The following DPYD variants were observed in gnomAD, a reference collection of about 807,000 sequenced individuals.
DPYD encodes dihydropyrimidine dehydrogenase [NADP(+)].
Under a neutral mutation model 116.2 loss-of-function variants are expected in DPYD, and 109 were observed. The observed-to-expected ratio is 0.94, with a 90% confidence interval of 0.80 to 1.10. The LOEUF is 1.10. Ranked by LOEUF, DPYD falls within the 50% of genes least tolerant of loss-of-function variation. The pLI is 0.00. For synonymous variants in DPYD, 440 were observed against 432.0 expected (o/e 1.02, Z -0.23); for missense variants, 1,302 against 1,254.5 (o/e 1.04, Z -0.57).
At chr1:97,390,260 G>A (rs1016373121) in intron 14 of DPYD, among the ~76,000 whole-genome samples, 1 of 152,048 alleles carries the variant, frequency 6.6e-6, no homozygotes, top group Non-Finnish European at 1.5e-5. Flanking sequence ...AAACTGCAAA[G>A]TGACGGGGGT....
At chr1:97,583,239 G>C (rs1330651663) in intron 10 of DPYD, among the ~76,000 whole-genome samples, 2 of 152,140 alleles carry the variant, frequency 1.3e-5, no homozygotes, top group African/African-American at 4.8e-5. Context: ...AAAGTGCTGG[G>C]ATTACAGGCG....
At chr1:97,101,738 G>A (rs1376457511) in intron 20 of DPYD, among the ~76,000 whole-genome samples, 1 of 152,014 alleles carries the variant, frequency 6.6e-6, no homozygotes, top group African/African-American at 2.4e-5. Context: ...GTTGTAGCCT[G>A]CGGTAACTCA....
intron 14 of DPYD, among the ~76,000 whole-genome samples, chr1:97,393,078 T>C (rs952152493): frequency 2.0e-5 from 3 of 152,044 alleles, no homozygotes; most frequent in Non-Finnish European, 4.4e-5. Context: ...TGGAGTAACA[T>C]TTCTAATTTC....
At chr1:97,108,732 T>C (rs552940872) in intron 20 of DPYD, among the ~76,000 whole-genome samples, 1 of 152,262 alleles carries the variant, frequency 6.6e-6, no homozygotes, top group South Asian at 2.1e-4. Context: ...GGGAAATTCA[T>C]ACAGTTCATA....
chr1:97,301,510 C>T (rs917299598), intron 18 of DPYD, among the ~76,000 whole-genome samples: 4 of 151,876 alleles, frequency 2.6e-5, no homozygotes, highest in African/African-American at 9.7e-5. Flanking sequence ...GCACTCTTTC[C>T]TATATATGTG....
chr1:97,428,105 G>A (rs186596826), intron 14 of DPYD, among the ~76,000 whole-genome samples: 1 of 152,224 alleles, frequency 6.6e-6, no homozygotes, highest in East Asian at 1.9e-4. Flanking sequence ...GAGCCTCAGT[G>A]AGAGGTCCAT....
intron 3 of DPYD, among the ~76,000 whole-genome samples, chr1:97,756,487 C>T (rs529107046): frequency 6.6e-6 from 1 of 152,050 alleles, no homozygotes; most frequent in African/African-American, 2.4e-5. Context: ...TATGATGAGA[C>T]AACACTAAAA....
chr1:97,682,659 G>A (rs1660488953), intron 7 of DPYD, among the ~76,000 whole-genome samples: 2 of 152,122 alleles, frequency 1.3e-5, no homozygotes, highest in Non-Finnish European at 2.9e-5. Flanking sequence ...GATAAGCTAT[G>A]AAATCTCAAT....
At chr1:97,509,728 A>C (rs1374844788) in intron 13 of DPYD, among the ~76,000 whole-genome samples, 1 of 151,952 alleles carries the variant, frequency 6.6e-6, no homozygotes, top group East Asian at 1.9e-4. Flanking sequence ...AAGTACCTTA[A>C]AGATCATCTC....
intron 8 of DPYD, among the ~76,000 whole-genome samples, chr1:97,621,243 T>A (rs949520470): frequency 6.6e-6 from 1 of 152,186 alleles, no homozygotes; most frequent in Non-Finnish European, 1.5e-5. Context: ...AATGGTGGTA[T>A]GAATTAATAA....
At chr1:97,318,531 C>T (rs1668010512) in intron 16 of DPYD, among the ~76,000 whole-genome samples, 1 of 151,958 alleles carries the variant, frequency 6.6e-6, no homozygotes, top group Non-Finnish European at 1.5e-5. Context: ...GAGGAGCTAA[C>T]TATCCTAAAT....
At chr1:97,139,370 T>A (rs566643309) in intron 20 of DPYD, among the ~76,000 whole-genome samples, 129 of 152,206 alleles carry the variant, frequency 8.5e-4, no homozygotes, top group African/African-American at 2.9e-3. Flanking sequence ...TAAAAAAAAA[T>A]TTATGTATTC....
At chr1:97,811,582 A>G (rs1219443731) in intron 3 of DPYD, among the ~76,000 whole-genome samples, 1 of 152,142 alleles carries the variant, frequency 6.6e-6, no homozygotes, top group Non-Finnish European at 1.5e-5. Flanking sequence ...AATGTCATAG[A>G]TTAGATCTCA....
intron 12 of DPYD, among the ~76,000 whole-genome samples, chr1:97,520,588 C>G (rs1195545969): frequency 6.6e-6 from 1 of 152,106 alleles, no homozygotes; most frequent in African/African-American, 2.4e-5. Context: ...AACCAGTCAT[C>G]TACATTAGGT....
intron 19 of DPYD, among the ~76,000 whole-genome samples, chr1:97,207,132 C>T (rs903726373): frequency 6.6e-6 from 1 of 152,012 alleles, no homozygotes; most frequent in African/African-American, 2.4e-5. Context: ...TGGATGAATA[C>T]ATGAAGCAAA....
At chr1:97,330,331 C>G (rs1438387542) in intron 16 of DPYD, among the ~76,000 whole-genome samples, 1 of 152,136 alleles carries the variant, frequency 6.6e-6, no homozygotes, top group East Asian at 1.9e-4. Context: ...AATATCCAAA[C>G]TTGCATAATA....
At chr1:97,762,775 C>A (rs1010519706) in intron 3 of DPYD, among the ~76,000 whole-genome samples, 2 of 152,054 alleles carry the variant, frequency 1.3e-5, no homozygotes, top group Non-Finnish European at 1.5e-5. Flanking sequence ...GCAGCCATAA[C>A]ATTTTCAAAG....
chr1:97,357,368 G>GTT (rs202122806), intron 16 of DPYD, among the ~76,000 whole-genome samples: 7,768 of 139,876 alleles, frequency 0.056, 286 homozygotes, highest in East Asian at 0.17. Context: ...TTCTAACAGT[G>GTT]TTTTTTTTTT....
At chr1:97,699,108 T>C (rs1166683772) in intron 6 of DPYD, among the ~76,000 whole-genome samples, 1 of 152,004 alleles carries the variant, frequency 6.6e-6, no homozygotes, top group African/African-American at 2.4e-5. Flanking sequence ...CAAAAAATAA[T>C]TTGCAGAGAT....
Sources: gnomAD v4.1 joint callset for allele counts (sites outside exome capture counted in the v4.1 genomes callset) on GRCh38, gnomAD v4.1.1 for gene constraint, MANE v1.5 for transcripts, NCBI Gene and HGNC (gene_info 2026-07-23, HGNC 2026-07-21) for gene names.